MTSS1: variants seen among roughly 807,000 people sequenced by gnomAD.
MTSS1 encodes the protein protein MTSS 1.
MTSS1 carries 18 observed loss-of-function variants against 79.0 expected under a neutral mutation model. That is an observed-to-expected ratio of 0.23 (90% CI 0.16 to 0.34). The LOEUF (loss-of-function observed/expected upper bound fraction) is 0.34. MTSS1 is among the 10% of genes least tolerant of loss of function. The pLI is 1.00. For missense variants in MTSS1, 815 were observed against 986.2 expected (o/e 0.83, Z 2.33); for synonymous variants, 341 against 368.6 (o/e 0.93, Z 0.86).
chr8:124,670,942 G>A (rs6470259), intron 3 of MTSS1, among the ~76,000 whole-genome samples: 83,014 of 151,996 alleles, frequency 0.55, 24,927 homozygotes, highest in African/African-American at 0.8. Context: ...CACAGCTACC[G>A]CATTAAATAT....
chr8:124,663,246 TG>T (rs1371914614), intron 3 of MTSS1, among the ~76,000 whole-genome samples: 10 of 152,174 alleles, frequency 6.6e-5, no homozygotes, highest in Admixed American at 5.9e-4. Context: ...CTAAACCTCA[TG>T]CTAAGACAGA....
intron 3 of MTSS1, among the ~76,000 whole-genome samples, chr8:124,607,715 C>A (rs1427359956): frequency 6.6e-6 from 1 of 152,164 alleles, no homozygotes. Context: ...TCAGGTCAAG[C>A]AGTGGTAATG....
At chr8:124,577,998 G>A (rs1450760177) in intron 6 of MTSS1, among the ~76,000 whole-genome samples, 1 of 152,144 alleles carries the variant, frequency 6.6e-6, no homozygotes, top group Non-Finnish European at 1.5e-5. Flanking sequence ...ATACGGCTGG[G>A]GGATGAGCAA....
At chr8:124,560,514 G>A (rs1320730605) in intron 10 of MTSS1, among the ~76,000 whole-genome samples, 1 of 152,182 alleles carries the variant, frequency 6.6e-6, no homozygotes, top group African/African-American at 2.4e-5. Flanking sequence ...AGCCAAGCAT[G>A]GTGGCACATG....
rs1250173908 is a variant in MTSS1, at chr8:124,727,712, C to T, written c.72+172G>A. On this transcript the variant is annotated intron_variant, in intron 1 of 13. Transcript: ENST00000518547. This position sits in a 1 kb window ranked among gnomAD's most constrained non-coding sequence, Gnocchi z 4.7. The stretch of plus-strand genomic sequence containing the variant: ...CCACCCGCCCAGTGACCCCGCAGAG[C>T]CCGGAGCAGCGCCCCGGGTGAGCAG... 8.9e-6 allele frequency: 6 copies of T among 675,464 alleles called. No homozygotes were observed. The highest frequency in any genetic ancestry group is 1.6e-5 in the Non-Finnish European group (6 of 376,248). 41.8% of individuals were successfully genotyped at this position (675,464 alleles called of 1,614,324 possible). A position where few individuals can be genotyped will look rare whatever the true frequency, so the allele number is the denominator to read the frequency against.
At chr8:124,710,876 C>T (rs796612519) in intron 1 of MTSS1, among the ~76,000 whole-genome samples, 10 of 152,198 alleles carry the variant, frequency 6.6e-5, no homozygotes, top group African/African-American at 2.2e-4. Flanking sequence ...GGAGGACTTA[C>T]GTGAGGAGGA....
At chr8:124,584,584 G>A (rs1292177532) in intron 6 of MTSS1, among the ~76,000 whole-genome samples, 1 of 152,182 alleles carries the variant, frequency 6.6e-6, no homozygotes, top group East Asian at 1.9e-4. Context: ...CTCAGTGGTA[G>A]ATTATCAAGC....
intron 3 of MTSS1, among the ~76,000 whole-genome samples, chr8:124,624,446 G>A (rs1473808803): frequency 1.3e-5 from 2 of 152,126 alleles, no homozygotes; most frequent in East Asian, 1.9e-4. Context: ...GGTTGACGAC[G>A]TGACACAGAA....
intron 1 of MTSS1, among the ~76,000 whole-genome samples, chr8:124,715,733 C>T (rs555737999): frequency 2.6e-5 from 4 of 152,052 alleles, no homozygotes; most frequent in South Asian, 2.1e-4. Context: ...TCTTGCCTGG[C>T]GAGAGGGCGC....
Position 124,727,996 on chromosome 8 carries a change from G to A in MTSS1, c.-41C>T. On this transcript the variant is annotated 5_prime_UTR_variant, in exon 1 of 14. Coordinates refer to ENST00000518547, the MANE Select transcript of MTSS1 (RefSeq NM_014751.6). This position sits in a 1 kb window ranked among gnomAD's most constrained non-coding sequence, Gnocchi z 4.7. ...AGGGCGAGGGCACACACGCGGGGCC[G>A]CTGGACTGCGCGCGGGGCCGGGGCT... The A allele has an allele frequency of 6.4e-7, 1 of 1,571,704 alleles. No individual in the cohort carries two copies. Among genetic ancestry groups the A allele is most frequent in the African/African-American group, 1.4e-5 (1 of 72,552 alleles).
chr8:124,696,723 C>T (rs770631285), intron 3 of MTSS1, among the ~76,000 whole-genome samples: 24 of 151,946 alleles, frequency 1.6e-4, no homozygotes, highest in Non-Finnish European at 2.6e-4. Context: ...TGATGGTGGG[C>T]GCCTGTAATC....
At chr8:124,628,216 AGGTCAGT>A (rs1815126746) in intron 3 of MTSS1, among the ~76,000 whole-genome samples, 1 of 152,212 alleles carries the variant, frequency 6.6e-6, no homozygotes, top group South Asian at 2.1e-4. Context: ...AGTACAGAGC[AGGTCAGT>A]AATACAAACA....
chr8:124,690,777 C>T (rs1386092050), intron 3 of MTSS1, among the ~76,000 whole-genome samples: 1 of 152,218 alleles, frequency 6.6e-6, no homozygotes, highest in Non-Finnish European at 1.5e-5. Context: ...CCTAAATATA[C>T]GTACTTGCCC....
rs1177894125 is a variant in MTSS1, at chr8:124,636,647, C to T, written c.209-45412G>A. ...TCTATGATCACTGAGGCCTCATACT[C>T]CTGCTCAGGAAATGTACCCAGCTGT... is the stretch of plus-strand genomic sequence containing the variant. On this transcript the variant is annotated intron_variant, in intron 3 of 13. Transcript: ENST00000518547. Among the ~76,000 whole-genome samples, 3 of 152,166 alleles carry T rather than the reference C, an allele frequency of 2.0e-5. No homozygotes were observed. In the East Asian group the frequency reaches 5.8e-4, roughly 29 times the overall value.
intron 3 of MTSS1, among the ~76,000 whole-genome samples, chr8:124,613,058 A>G (rs1336191145): frequency 1.3e-5 from 2 of 152,172 alleles, no homozygotes; most frequent in African/African-American, 4.8e-5. Context: ...ATCTATACCT[A>G]GGCTGTCTCT....
At chr8:124,707,027 G>A (rs991440470) in intron 1 of MTSS1, among the ~76,000 whole-genome samples, 10 of 151,018 alleles carry the variant, frequency 6.6e-5, no homozygotes, top group South Asian at 2.1e-4. Flanking sequence ...TAGCAGCTTC[G>A]TCCGACCATT....
chr8:124,557,992 T>C, intron 10 of MTSS1, 117 bp from the exon 11 acceptor site: 2 of 794,256 alleles, frequency 2.5e-6, no homozygotes, highest in Non-Finnish European at 3.9e-6. Context: ...TATTTATAAA[T>C]AAAACAAACA....
At chr8:124,621,348 T>C (rs530840478) in intron 3 of MTSS1, among the ~76,000 whole-genome samples, 210 of 152,274 alleles carry the variant, frequency 1.4e-3, no homozygotes, top group African/African-American at 4.8e-3. Context: ...GCCCCAGCCA[T>C]GGTCTCAGAA....
At chr8:124,655,590 A>C (rs2134255580) in intron 3 of MTSS1, among the ~76,000 whole-genome samples, 1 of 152,354 alleles carries the variant, frequency 6.6e-6, no homozygotes, top group East Asian at 1.9e-4. Flanking sequence ...TAAAGATGAA[A>C]GCTTTCTGTC....
Sources: allele counts gnomAD v4.1 joint callset (sites outside exome capture counted in the v4.1 genomes callset), GRCh38; gene constraint gnomAD v4.1.1; non-coding constraint Gnocchi (gnomAD v3.1); transcripts MANE v1.5; gene names NCBI Gene and HGNC (gene_info 2026-07-23, HGNC 2026-07-21).